Variants in NFKBIE observed in about 807,000 individuals in gnomAD.
NFKBIE encodes NFKB inhibitor epsilon.
Under a neutral mutation model 31.6 loss-of-function variants are expected in NFKBIE, and 11 were observed. That is an observed-to-expected ratio of 0.35 (90% confidence interval 0.22 to 0.58). NFKBIE has a LOEUF of 0.58. Among genes scored for constraint, NFKBIE ranks in the 20% least tolerant of loss-of-function variants. NFKBIE has a pLI of 0.83. For synonymous variants in NFKBIE, 208 were observed against 210.1 expected (o/e 0.99, Z 0.09); for missense variants, 354 against 465.7 (o/e 0.76, Z 2.21).
Position 44,260,218 on chromosome 6 carries a change from T to C in NFKBIE, c.845A>G (p.Gln282Arg), listed in dbSNP as rs1455012597. ...AVETQERGLV[Q>R]FLLQAGAQVD... ...CTGGGCACCAGCCTGGAGCAGGAAC[T>C]GTACCAGGCCCCGCTCTTGGGTTTC... Residue 282 changes from glutamine (Q) to arginine (R), a missense_variant, in exon 5 of 6, where the codon CAG (glutamine) becomes CGG (arginine). By Grantham distance (43) the Gln-to-Arg change is conservative. Coordinates refer to ENST00000619360, the MANE Select transcript of NFKBIE (RefSeq NM_004556.3). This position sits in a 1 kb window ranked among gnomAD's most constrained non-coding sequence, Gnocchi z 5.5. The C allele has an allele frequency of 1.2e-6, 2 of 1,613,882 alleles. No homozygotes were observed. The highest frequency in any genetic ancestry group is 2.7e-5 in the African/African-American group (2 of 74,924).
chr6:44,265,541 C>G lies in NFKBIE; in HGVS notation c.-195G>C, dbSNP rs1230113491. 1.3e-6 allele frequency: 2 copies of G among 1,574,032 alleles called. No individual in the cohort carries two copies. The highest frequency in any genetic ancestry group is 1.7e-6 in the Non-Finnish European group (2 of 1,161,764). Reference sequence around the variant, plus strand: ...GTTCGGAGCGCTGGCCAGGTCCACCCAGCGGTTACTGTGGGCAGCCGAACC... The same window carrying G: ...GTTCGGAGCGCTGGCCAGGTCCACCGAGCGGTTACTGTGGGCAGCCGAACC... On this transcript the variant is annotated 5_prime_UTR_variant, in exon 1 of 6. Transcript: ENST00000619360.
rs1440790869 is a variant in NFKBIE at position 44,260,162 on chromosome 6, G to C, written c.901C>G (p.Pro301Ala). ...CCCCGGCCAGCTGCCAGGTGCAGGG[G>C]TGTGCACCCGTTCAGCATGCGGGCA... ...VDARMLNGCT[P>A]LHLAAGRGLM... is the part of the protein sequence containing the mutation. Residue 301 changes from proline (P) to alanine (A), a missense_variant, in exon 5 of 6, where the codon CCC (proline) becomes GCC (alanine). By Grantham distance (27) the Pro-to-Ala change is conservative. Transcript: ENST00000619360. This position sits in a 1 kb window ranked among gnomAD's most constrained non-coding sequence, Gnocchi z 5.5. 2.5e-6 allele frequency: 4 copies of C among 1,614,102 alleles called. No individual in the cohort carries two copies. The highest frequency in any genetic ancestry group is 3.4e-6 in the Non-Finnish European group (4 of 1,180,050).
chr6:44,258,879 T>G lies in NFKBIE; in HGVS notation c.*340A>C, dbSNP rs529203192. 4.2e-6 allele frequency: 1 copy of G among 238,310 alleles called. No homozygotes were observed. Among genetic ancestry groups the G allele is most frequent in the Non-Finnish European group, 8.7e-6 (1 of 115,078 alleles). 14.8% of individuals were successfully genotyped at this position (238,310 alleles called of 1,614,324 possible). On this transcript the variant is annotated 3_prime_UTR_variant, in exon 6 of 6. Coordinates refer to ENST00000619360, the MANE Select transcript of NFKBIE (RefSeq NM_004556.3). ...TCTTCTCACTCAGGAGAGTCCATGC[T>G]TCCTACTGGTTGGCAGTTTCAGGCT...
In NFKBIE at chr6:44,260,099, C is replaced by T. The variant is rs1223758977; in HGVS notation, c.964G>A (p.Ala322Thr). 4 of 1,614,214 alleles carry T rather than the reference C, an allele frequency of 2.5e-6. No homozygotes were observed. Among genetic ancestry groups the T allele is most frequent in the Non-Finnish European group, 3.4e-6 (4 of 1,180,034 alleles). The stretch of plus-strand genomic sequence containing the variant: ...TCCACATTCCGCAGCAGGGAGTCAG[C>T]ACCCGCCTTGCACAGAGTGGATGAG... Reference protein sequence around the residue: ...GISSTLCKAGADSLLRNVEDE... With the variant: ...GISSTLCKAGTDSLLRNVEDE... The change falls in exon 5 of 6, where the codon GCT (alanine) becomes ACT (threonine). Residue 322 changes from alanine to threonine, a missense_variant. By Grantham distance (58) the Ala-to-Thr change is moderately conservative. Around this residue, in one of 2 missense-constraint regions of NFKBIE, gnomAD observed 183 missense variants for 310.6 expected, o/e 0.59. Transcript: ENST00000619360. This position sits in a 1 kb window ranked among gnomAD's most constrained non-coding sequence, Gnocchi z 5.5.
At chr6:44,262,496 G>T in intron 2 of NFKBIE, 64 bp downstream of exon 2, 2 of 1,413,756 alleles carry the variant, frequency 1.4e-6, no homozygotes, top group Non-Finnish European at 2.0e-6. Flanking sequence ...GACTGGTATG[G>T]CTGCTGGGAA....
intron 1 of NFKBIE, among the ~76,000 whole-genome samples, chr6:44,264,713 T>G (rs1782051588): frequency 6.6e-6 from 1 of 152,184 alleles, no homozygotes; most frequent in Non-Finnish European, 1.5e-5. Flanking sequence ...AGGGGAATTT[T>G]CTCTTCCTAA....
At position 44,262,626 on chromosome 6, in the gene NFKBIE, C is replaced by G. The variant is rs1347380240; in HGVS notation, c.402G>C (p.Ala134=). 6.2e-7 allele frequency: 1 copy of G among 1,614,004 alleles called. No homozygotes were observed. The highest frequency in any genetic ancestry group is 1.7e-5 in the Admixed American group (1 of 60,000). Residue 134 remains alanine, a synonymous_variant, in exon 2 of 6, where the codon GCG becomes GCC. Coordinates refer to ENST00000619360, the MANE Select transcript of NFKBIE (RefSeq NM_004556.3). ...VHLAVIHEAP[A]VLLCCLALLP... ...GCAAAGCCAGGCAACAGAGCAGCAC[C>G]GCTGGGGCCTCATGAATCACTGCCA...
At position 44,260,255 on chromosome 6, in the gene NFKBIE, G is replaced by A; in HGVS notation, c.808C>T (p.His270Tyr). Reference protein sequence around the residue: ...QEGTSGKTALHLAVETQERGL... With the variant: ...QEGTSGKTALYLAVETQERGL... ...CGCTCTTGGGTTTCCACAGCCAGGTGCAGCGCTGTCTTACCACTGGTGCCC... is the reference window on the plus strand; with the variant it reads ...CGCTCTTGGGTTTCCACAGCCAGGTACAGCGCTGTCTTACCACTGGTGCCC... Residue 270 changes from histidine (H) to tyrosine (Y), a missense_variant, in exon 5 of 6, where the codon CAC becomes TAC. Transcript: ENST00000619360. The surrounding 1 kb of genome is among the most constrained non-coding windows in gnomAD (Gnocchi z 5.5). The A allele has an allele frequency of 6.2e-7, 1 of 1,612,744 alleles. No individual in the cohort carries two copies. The highest frequency in any genetic ancestry group is 1.1e-5 in the South Asian group (1 of 91,070).
intron 1 of NFKBIE, 72 bp downstream of exon 1, chr6:44,264,910 G>A: frequency 6.7e-7 from 1 of 1,490,700 alleles, no homozygotes. Context: ...GGGAGTGGGG[G>A]TGCCCGACCT....
Position 44,261,776 on chromosome 6 carries a change from G to A in NFKBIE, c.541C>T (p.Arg181Trp), listed in dbSNP as rs556843321. The A allele has an allele frequency of 5.0e-5, 80 of 1,613,766 alleles. 1 individual carries two copies. The South Asian group carries it at 6.1e-4, about 12-fold the overall frequency. The change falls in exon 3 of 6, where the codon CGG becomes TGG. Residue 181 changes from arginine (R) to tryptophan (W), a missense_variant. By Grantham distance (101) the Arg-to-Trp change is moderately radical (BLOSUM62 -3). Transcript: ENST00000619360. This position sits in a 1 kb window ranked among gnomAD's most constrained non-coding sequence, Gnocchi z 4.3. ...VRALVLKGAS[R>W]ALQDRHGDTA... ...TCACCATGCCGGTCCTGTAGTGCCC[G>A]GCTGGCCCCCTTCAGCACCAGTGCC...
Position 44,265,452 on chromosome 6 carries a change from G to A in NFKBIE, c.-106C>T. ...GGTCCGCTTGGCAGAGCGGGCGCCC[G>A]GCCCGCGGCGGCCTCCTTCCCGGGC... On this transcript the variant is annotated 5_prime_UTR_variant, in exon 1 of 6. Transcript: ENST00000619360. 2.0e-6 allele frequency: 3 copies of A among 1,507,088 alleles called. No individual in the cohort carries two copies. Among genetic ancestry groups the A allele is most frequent in the Non-Finnish European group, 2.6e-6 (3 of 1,135,142 alleles). The allele number at this position is 1,507,088 out of a possible 1,614,324, so 93.4% of individuals were successfully genotyped here. A position where few individuals can be genotyped will look rare whatever the true frequency, so the allele number is the denominator to read the frequency against.
chr6:44,261,825 A>T lies in NFKBIE; in HGVS notation c.492T>A (p.His164Gln), dbSNP rs1157662696. The T allele has an allele frequency of 1.9e-6, 3 of 1,611,426 alleles. No homozygotes were observed. Among genetic ancestry groups the T allele is most frequent in the Non-Finnish European group, 2.5e-6 (3 of 1,179,924 alleles). ...LYQTALHLAV[H>Q]LDQPGAVRAL... ...CCCGAACTGCGCCCGGTTGGTCCAG[A>T]TGTACAGCCAGATGGAGTGCTGTCT... The change falls in exon 3 of 6, where the codon CAT becomes CAA. Residue 164 changes from histidine to glutamine, a missense_variant. By Grantham distance (24) the His-to-Gln change is conservative. This residue lies in a region of NFKBIE where 183 missense variants were observed against 310.6 expected (regional missense o/e 0.59). Coordinates refer to ENST00000619360, the MANE Select transcript of NFKBIE (RefSeq NM_004556.3). This position sits in a 1 kb window ranked among gnomAD's most constrained non-coding sequence, Gnocchi z 4.3.
rs1450646513 is a variant in NFKBIE at position 44,261,854 on chromosome 6, G to A, written c.469-6C>T. The A allele has an allele frequency of 6.2e-7, 1 of 1,604,666 alleles. No individual in the cohort carries two copies. The highest frequency in any genetic ancestry group is 1.1e-5 in the South Asian group (1 of 90,406). Reference sequence around the variant, plus strand: ...ACAGCCAGATGGAGTGCTGTCTGGAGGCACAAATAGAGGGTCATGGGGCCA... The same window carrying A: ...ACAGCCAGATGGAGTGCTGTCTGGAAGCACAAATAGAGGGTCATGGGGCCA... On this transcript the variant is annotated splice_region_variant and splice_polypyrimidine_tract_variant and intron_variant, in intron 2 of 5. Transcript: ENST00000619360. This position sits in a 1 kb window ranked among gnomAD's most constrained non-coding sequence, Gnocchi z 4.3.
Position 44,260,860 on chromosome 6 carries a change from GACACAC to G in NFKBIE, c.692-327_692-322del, listed in dbSNP as rs71547856. On this transcript the variant is annotated intron_variant, in intron 3 of 5. Transcript: ENST00000619360. This position sits in a 1 kb window ranked among gnomAD's most constrained non-coding sequence, Gnocchi z 5.5. ...ACACACACACACACACACACATACA[GACACAC>G]ACACACACACACACACACACACACA... is the stretch of plus-strand genomic sequence containing the variant. 4.8e-3 allele frequency among the ~76,000 whole-genome samples: 649 copies of G among 135,482 alleles called. 6 individuals are homozygous for G. The highest frequency in any genetic ancestry group is 0.018 in the South Asian group (74 of 4,176). 88.9% of individuals were successfully genotyped at this position (135,482 alleles called of 152,430 possible). A position where few individuals can be genotyped will look rare whatever the true frequency, so the allele number is the denominator to read the frequency against.
In NFKBIE at chr6:44,261,905, A is replaced by G; in HGVS notation, c.469-57T>C. ...CTGCAGCATGCTCCCACCTCTGGGA[A>G]CATGCTTGGGCTCAAGAATCACCAG... On this transcript the variant is annotated intron_variant, in intron 2 of 5. Coordinates refer to ENST00000619360, the MANE Select transcript of NFKBIE (RefSeq NM_004556.3). This position sits in a 1 kb window ranked among gnomAD's most constrained non-coding sequence, Gnocchi z 4.3. The G allele has an allele frequency of 3.4e-6, 5 of 1,469,612 alleles. No individual in the cohort carries two copies. The highest frequency in any genetic ancestry group is 3.7e-6 in the Non-Finnish European group (4 of 1,077,446). The allele number at this position is 1,469,612 out of a possible 1,614,324, so 91.0% of individuals were successfully genotyped here. A position where few individuals can be genotyped will look rare whatever the true frequency, so the allele number is the denominator to read the frequency against.
chr6:44,259,940 T>C, intron 5 of NFKBIE, 103 bp downstream of exon 5: 1 of 1,476,714 alleles, frequency 6.8e-7, no homozygotes, highest in African/African-American at 1.4e-5. Context: ...GAGTCCTGGT[T>C]ATACCCCAGG....
chr6:44,260,466 A>G lies in NFKBIE; in HGVS notation c.765T>C (p.Ala255=). The G allele has an allele frequency of 1.9e-6, 3 of 1,614,178 alleles. No individual in the cohort carries two copies. The highest frequency in any genetic ancestry group is 2.5e-6 in the Non-Finnish European group (3 of 1,180,032). Residue 255 remains alanine, a synonymous_variant, in exon 4 of 6, where the codon GCT becomes GCC. Coordinates refer to ENST00000619360, the MANE Select transcript of NFKBIE (RefSeq NM_004556.3). The surrounding 1 kb of genome is among the most constrained non-coding windows in gnomAD (Gnocchi z 5.5). The part of the protein sequence containing the change: ...PLMELLLRNG[A]DIDVQEGTSG... ...GCTGTCTCACCTGCACATCAATGTCAGCTCCATTCCGAAGCAGCAATTCCA... is the reference window on the plus strand; with the variant it reads ...GCTGTCTCACCTGCACATCAATGTCGGCTCCATTCCGAAGCAGCAATTCCA...
chr6:44,265,189 C>T lies in NFKBIE; in HGVS notation c.158G>A (p.Gly53Glu). The T allele has an allele frequency of 1.3e-6, 2 of 1,551,772 alleles. No individual in the cohort carries two copies. The highest frequency in any genetic ancestry group is 2.4e-5 in the South Asian group (2 of 84,064). ...CTTCTCCTGTGGTTCCTTGACGGGT[C>T]CCGGAGGATGGGTGCAGGGCTGGGG... ...GSPQPCTHPP[G>E]PVKEPQEKED... The change falls in exon 1 of 6, where the codon GGA becomes GAA. Residue 53 changes from glycine (G) to glutamate (E), a missense_variant. Gly to Glu is a moderately conservative substitution (Grantham distance 98). Around this residue, in one of 2 missense-constraint regions of NFKBIE, gnomAD observed 171 missense variants for 155.1 expected, o/e 1.10. Coordinates refer to ENST00000619360, the MANE Select transcript of NFKBIE (RefSeq NM_004556.3).
intron 2 of NFKBIE, among the ~76,000 whole-genome samples, chr6:44,262,302 C>T (rs1462562737): frequency 6.6e-6 from 1 of 152,182 alleles, no homozygotes; most frequent in Non-Finnish European, 1.5e-5. Flanking sequence ...ACACTGGACC[C>T]TATAGCAGCT....
Sources: allele counts gnomAD v4.1 joint callset (sites outside exome capture counted in the v4.1 genomes callset), GRCh38; gene constraint gnomAD v4.1.1; regional missense constraint gnomAD v4.1.1; non-coding constraint Gnocchi (gnomAD v3.1); transcripts MANE v1.5; gene names NCBI Gene and HGNC (gene_info 2026-07-23, HGNC 2026-07-21).